The following ENPP2 variants were observed in gnomAD, a reference collection of about 807,000 sequenced individuals.
The protein encoded by ENPP2 is ectonucleotide pyrophosphatase/phosphodiesterase 2.
Under a neutral mutation model 120.2 loss-of-function variants are expected in ENPP2, and 51 were observed. The ratio of observed to expected loss-of-function variants is 0.42; its 90% CI spans 0.34 to 0.54. ENPP2 has a LOEUF of 0.54. Among genes scored for constraint, ENPP2 ranks in the 20% least tolerant of loss-of-function variants. The pLI, the probability that ENPP2 is intolerant of heterozygous loss-of-function variation, is 0.04. For missense variants in ENPP2, 920 were observed against 1,066.5 expected, an observed-to-expected ratio of 0.86 and a Z score of 1.91; for synonymous variants, 365 against 366.4, an observed-to-expected ratio of 1.00 and a Z score of 0.04.
chr8:119,627,868 ATAT>A (rs1816395000), intron 2 of ENPP2, among the ~76,000 whole-genome samples: 35 of 22,522 alleles, frequency 1.6e-3, no homozygotes, highest in South Asian at 0.012. Context: ...TCTTAAAAAT[ATAT>A]ATATATATAT....
At position 119,616,391 on chromosome 8, in the gene ENPP2, G is replaced by A. The variant is rs777920239; in HGVS notation, c.658-7C>T. 1.2e-5 allele frequency: 19 copies of A among 1,576,142 alleles called. No homozygotes were observed. Among genetic ancestry groups the A allele is most frequent in the Non-Finnish European group, 1.5e-5 (17 of 1,152,392 alleles). On this transcript the variant is annotated splice_polypyrimidine_tract_variant and splice_region_variant and intron_variant, in intron 7 of 24. Coordinates refer to ENST00000075322, the MANE Select transcript of ENPP2 (RefSeq NM_001040092.3). ...GTGATTCTGGATATAGCCCCTTTTTGTAAAAGCAAATTTATTGTTAAAATA... is the reference window on the plus strand; with the variant it reads ...GTGATTCTGGATATAGCCCCTTTTTATAAAAGCAAATTTATTGTTAAAATA...
chr8:119,625,407 A>T (rs1587515712), intron 3 of ENPP2, among the ~76,000 whole-genome samples: 1 of 152,228 alleles, frequency 6.6e-6, no homozygotes, highest in East Asian at 1.9e-4. Context: ...TATTGCAGGG[A>T]CGCAGGAGGA....
At chr8:119,649,401 CA>C (rs755896948) in intron 1 of ENPP2, among the ~76,000 whole-genome samples, 1,376 of 76,200 alleles carry the variant, frequency 0.018, 8 homozygotes, top group Non-Finnish European at 0.027. Flanking sequence ...GACTCCATCT[CA>C]AAAAAAAAAA....
At chr8:119,661,602 C>T (rs767332645) in intron 1 of ENPP2, among the ~76,000 whole-genome samples, 14 of 152,270 alleles carry the variant, frequency 9.2e-5, no homozygotes, top group African/African-American at 1.2e-4. Flanking sequence ...TTAAGGAAAA[C>T]GGTGTAGGGA....
intron 14 of ENPP2, 113 bp from the exon 15 acceptor site, chr8:119,586,426 G>A: frequency 1.2e-6 from 1 of 829,204 alleles, no homozygotes; most frequent in Non-Finnish European, 1.9e-6. Flanking sequence ...AGGTTAATGA[G>A]TGAATAAATG....
intron 8 of ENPP2, among the ~76,000 whole-genome samples, chr8:119,610,990 G>A (rs1010993299): frequency 6.6e-6 from 1 of 151,842 alleles, no homozygotes; most frequent in Non-Finnish European, 1.5e-5. Context: ...AAAACTCCCT[G>A]CATTGCTTTC....
chr8:119,558,320 G>A (rs1202356454), intron 24 of ENPP2, among the ~76,000 whole-genome samples: 1 of 152,180 alleles, frequency 6.6e-6, no homozygotes, highest in African/African-American at 2.4e-5. Context: ...TGAGACCTTG[G>A]TCAAGCTACT....
chr8:119,616,140 G>T, intron 8 of ENPP2, 125 bp downstream of exon 8: 1 of 782,454 alleles, frequency 1.3e-6, no homozygotes, highest in Non-Finnish European at 2.0e-6. Flanking sequence ...AGTATCAAAA[G>T]ACAGAAACAT....
At chr8:119,653,543 G>A (rs940865720) in intron 1 of ENPP2, among the ~76,000 whole-genome samples, 4 of 152,194 alleles carry the variant, frequency 2.6e-5, no homozygotes, top group African/African-American at 9.7e-5. Context: ...AGGCCCTGAA[G>A]TAGGAGCAGC....
At chr8:119,644,044 T>G (rs1168079826) in intron 1 of ENPP2, among the ~76,000 whole-genome samples, 1 of 151,980 alleles carries the variant, frequency 6.6e-6, no homozygotes, top group African/African-American at 2.4e-5. Context: ...GAAGTGAGAC[T>G]GGAGAGGTTA....
chr8:119,626,257 T>C (rs1816265339), intron 3 of ENPP2, among the ~76,000 whole-genome samples: 2 of 152,104 alleles, frequency 1.3e-5, no homozygotes, highest in South Asian at 4.1e-4. Flanking sequence ...TAGCAGTGAA[T>C]GTGGGAATTG....
intron 1 of ENPP2, among the ~76,000 whole-genome samples, chr8:119,667,599 A>T (rs2130910785): frequency 6.6e-6 from 1 of 152,198 alleles, no homozygotes; most frequent in South Asian, 2.1e-4. Flanking sequence ...TATAACTCCT[A>T]ATTCACTTTT....
intron 1 of ENPP2, among the ~76,000 whole-genome samples, chr8:119,653,214 C>T (rs1817674520): frequency 6.6e-6 from 1 of 152,300 alleles, no homozygotes; most frequent in East Asian, 1.9e-4. Context: ...GTCCTTATCA[C>T]CCAACCAATT....
At chr8:119,581,548 C>T (rs563679598) in intron 18 of ENPP2, among the ~76,000 whole-genome samples, 8 of 152,148 alleles carry the variant, frequency 5.3e-5, no homozygotes, top group South Asian at 4.1e-4. Context: ...CTGCACTCAT[C>T]GGCCAAATAC....
At chr8:119,656,510 T>C (rs541784253) in intron 1 of ENPP2, among the ~76,000 whole-genome samples, 1 of 152,360 alleles carries the variant, frequency 6.6e-6, no homozygotes, top group South Asian at 2.1e-4. Context: ...TGACCATTCA[T>C]TTATTTCCTT....
chr8:119,632,213 G>A (rs769713880), intron 2 of ENPP2, among the ~76,000 whole-genome samples: 1 of 152,096 alleles, frequency 6.6e-6, no homozygotes, highest in Admixed American at 6.6e-5. Context: ...ATTGAGAGGC[G>A]GGATGAAAAC....
chr8:119,604,250 A>C (rs1323948800), intron 9 of ENPP2, among the ~76,000 whole-genome samples: 1 of 151,278 alleles, frequency 6.6e-6, no homozygotes, highest in Non-Finnish European at 1.5e-5. Flanking sequence ...CTGGTTTTGA[A>C]CTCCTGACCT....
At chr8:119,579,979 T>C (rs1812616985) in intron 19 of ENPP2, 137 bp downstream of exon 19, 2 of 710,752 alleles carry the variant, frequency 2.8e-6, no homozygotes, top group Non-Finnish European at 5.0e-6. Context: ...CTTTGCCAGA[T>C]AGGTATGAAA....
chr8:119,584,814 T>G (rs1812994315), intron 15 of ENPP2, among the ~76,000 whole-genome samples: 2 of 152,336 alleles, frequency 1.3e-5, no homozygotes, highest in East Asian at 3.9e-4. Flanking sequence ...CATGTTAATT[T>G]AATACAAATA....
Sources: allele counts gnomAD v4.1 joint callset (sites outside exome capture counted in the v4.1 genomes callset), GRCh38; gene constraint gnomAD v4.1.1; transcripts MANE v1.5; gene names NCBI Gene and HGNC (gene_info 2026-07-23, HGNC 2026-07-21).